SDK2: variants seen among roughly 807,000 people sequenced by gnomAD.
SDK2 encodes sidekick cell adhesion molecule 2.
Under a neutral mutation model 253.9 loss-of-function variants are expected in SDK2, and 105 were observed. That is an observed-to-expected ratio of 0.41 (90% CI 0.35 to 0.49). SDK2 has a LOEUF of 0.49. Ranked by LOEUF, SDK2 falls within the 20% of genes least tolerant of loss-of-function variation. The pLI is 0.06. For missense variants in SDK2, 2,608 were observed against 3,003.0 expected (o/e 0.87, Z 3.07); for synonymous variants, 1,249 against 1,234.9 (o/e 1.01, Z -0.24).
chr17:73,358,100 C>T lies in SDK2; in HGVS notation c.5572G>A (p.Val1858Ile), dbSNP rs1468085082. 5 of 1,613,320 alleles carry T rather than the reference C, an allele frequency of 3.1e-6. No individual in the cohort carries two copies. Among genetic ancestry groups the T allele is most frequent in the East Asian group, 2.2e-5 (1 of 44,880 alleles). The change falls in exon 40 of 45, where the codon GTC becomes ATC. Residue 1858 changes from valine (V) to isoleucine (I), a missense_variant. By Grantham distance (29) the Val-to-Ile change is conservative. Transcript: ENST00000392650. Reference sequence around the variant, plus strand: ...GCACCTGAAGGTCTGGCCTCGATGACGTAGCGGGTGATGGGCCCTTTGCCC... The same window carrying T: ...GCACCTGAAGGTCTGGCCTCGATGATGTAGCGGGTGATGGGCCCTTTGCCC... The part of the protein sequence containing the change: ...DPGKGPITRY[V>I]IEARPSDEGL...
intron 3 of SDK2, among the ~76,000 whole-genome samples, chr17:73,457,257 TC>T (rs1599584398): frequency 1.0e-4 from 6 of 58,642 alleles, no homozygotes; most frequent in African/African-American, 5.5e-4. Flanking sequence ...CTTCCTTCCT[TC>T]CTTCCTTCCT....
At position 73,611,237 on chromosome 17, in the gene SDK2, G is replaced by A. The variant is rs538698474; in HGVS notation, c.64+32788C>T. The stretch of plus-strand genomic sequence containing the variant: ...CTTTTATCCCACTCTCTCTCTCTCT[G>A]CCCCCACTGCTGATGGACAAAGACC... On this transcript the variant is annotated intron_variant, in intron 1 of 44. Transcript: ENST00000392650. Among the ~76,000 whole-genome samples the A allele has an allele frequency of 5.9e-5, 9 of 152,220 alleles. No individual in the cohort carries two copies. The East Asian group carries it at 1.7e-3, about 29-fold the overall frequency.
intron 24 of SDK2, among the ~76,000 whole-genome samples, 169 bp downstream of exon 24, chr17:73,397,866 G>A (rs183017581): frequency 3.9e-4 from 59 of 152,326 alleles, no homozygotes; most frequent in Admixed American, 3.0e-3. Flanking sequence ...TCTCATCGGC[G>A]GGCGGGGGGG....
intron 1 of SDK2, among the ~76,000 whole-genome samples, chr17:73,638,490 G>A (rs1454038202): frequency 1.3e-5 from 2 of 152,176 alleles, no homozygotes; most frequent in Non-Finnish European, 2.9e-5. Context: ...GGAAACAAGG[G>A]TGAACTTTGT....
At chr17:73,548,984 G>A (rs2045011688) in intron 1 of SDK2, among the ~76,000 whole-genome samples, 1 of 152,196 alleles carries the variant, frequency 6.6e-6, no homozygotes, top group Non-Finnish European at 1.5e-5. Context: ...GAGTCTCAAT[G>A]ACAACCCCGG....
chr17:73,535,047 G>A (rs1289946253), intron 1 of SDK2, among the ~76,000 whole-genome samples: 1 of 152,136 alleles, frequency 6.6e-6, no homozygotes, highest in African/African-American at 2.4e-5. Flanking sequence ...GAGAAAGAGT[G>A]GAACCTCTTC....
intron 18 of SDK2, among the ~76,000 whole-genome samples, chr17:73,406,569 A>T (rs1326464352): frequency 6.6e-6 from 1 of 152,172 alleles, no homozygotes; most frequent in Non-Finnish European, 1.5e-5. Context: ...TTATATTAAA[A>T]AAATGGAAGA....
rs181536422 is a variant in SDK2 at position 73,511,301 on chromosome 17, A to G, written c.65-3704T>C. Among the ~76,000 whole-genome samples, 48 of 152,330 alleles carry G rather than the reference A, an allele frequency of 3.2e-4. No homozygotes were observed. In the East Asian group the frequency reaches 8.3e-3, roughly 26 times the overall value. Reference sequence around the variant, plus strand: ...GCCAGAACAGTCAGAGGGGCTGGGCAGTGTGTGTATCTGCATGCACACATG... The same window carrying G: ...GCCAGAACAGTCAGAGGGGCTGGGCGGTGTGTGTATCTGCATGCACACATG... On this transcript the variant is annotated intron_variant, in intron 1 of 44. Coordinates refer to ENST00000392650, the MANE Select transcript of SDK2 (RefSeq NM_001144952.2). The surrounding 1 kb of genome is among the most constrained non-coding windows in gnomAD (Gnocchi z 4.9).
rs369229736 is a variant in SDK2, at chr17:73,603,506, A to T, written c.64+40519T>A. Among the ~76,000 whole-genome samples, 19 of 152,284 alleles carry T rather than the reference A, an allele frequency of 1.2e-4. No individual in the cohort carries two copies. In the East Asian group the frequency reaches 1.4e-3, roughly 11 times the overall value. On this transcript the variant is annotated intron_variant, in intron 1 of 44. Coordinates refer to ENST00000392650, the MANE Select transcript of SDK2 (RefSeq NM_001144952.2). The stretch of plus-strand genomic sequence containing the variant: ...CTGGGTCCCAAGGTGATGCACACCC[A>T]GGGGAGCCTAGGATGCTACACCAGG...
Position 73,401,704 on chromosome 17 carries a change from G to A in SDK2, c.2729C>T (p.Ser910Leu), listed in dbSNP as rs753714901. Residue 910 changes from serine (S) to leucine (L), a missense_variant, in exon 20 of 45, where the codon TCG becomes TTG. Physicochemically the swap from Ser to Leu is moderately radical, Grantham distance 145. This residue lies in a region of SDK2 where 1,505 missense variants were observed against 1,859.1 expected (regional missense o/e 0.81). Coordinates refer to ENST00000392650, the MANE Select transcript of SDK2 (RefSeq NM_001144952.2). ...HLSFSEILDT[S>L]LKVSWQEPGE... ...CGGCTCTTGCCAGCTGACCTTCAGC[G>A]ATGTGTCCAGGATCTCACTGAAGCT... 3.1e-6 allele frequency: 5 copies of A among 1,594,864 alleles called. No homozygotes were observed. The highest frequency in any genetic ancestry group is 2.3e-5 in the South Asian group (2 of 87,596).
At chr17:73,364,934 T>A (rs1331876924) in intron 38 of SDK2, among the ~76,000 whole-genome samples, 1 of 152,162 alleles carries the variant, frequency 6.6e-6, no homozygotes, top group Non-Finnish European at 1.5e-5. Context: ...CCCCCCTTCT[T>A]TATGGTCTCA....
rs939196667 is a variant in SDK2 at position 73,541,025 on chromosome 17, C to G, written c.65-33428G>C. 1.3e-5 allele frequency among the ~76,000 whole-genome samples: 2 copies of G among 152,220 alleles called. No homozygotes were observed. Among genetic ancestry groups the G allele is most frequent in the African/African-American group, 4.8e-5 (2 of 41,456 alleles). On this transcript the variant is annotated intron_variant, in intron 1 of 44. Coordinates refer to ENST00000392650, the MANE Select transcript of SDK2 (RefSeq NM_001144952.2). This position sits in a 1 kb window ranked among gnomAD's most constrained non-coding sequence, Gnocchi z 4.3. The stretch of plus-strand genomic sequence containing the variant: ...ACTTTCCTGGCAAATGTGGTCTCGG[C>G]CATCAAGCTGCCAATGGTAAGCTGC...
chr17:73,428,863 C>T (rs1158375032), intron 12 of SDK2, among the ~76,000 whole-genome samples: 2 of 151,982 alleles, frequency 1.3e-5, no homozygotes, highest in Admixed American at 1.3e-4. Flanking sequence ...TGATTCTGCT[C>T]CCCAGAATCA....
At chr17:73,487,683 T>C (rs1427500174) in intron 2 of SDK2, among the ~76,000 whole-genome samples, 1 of 152,212 alleles carries the variant, frequency 6.6e-6, no homozygotes, top group African/African-American at 2.4e-5. Flanking sequence ...AACTTTACCA[T>C]GCTCTGTGAT....
At chr17:73,364,590 G>T (rs542232235) in intron 38 of SDK2, among the ~76,000 whole-genome samples, 21 of 152,244 alleles carry the variant, frequency 1.4e-4, no homozygotes, top group Admixed American at 1.0e-3. Context: ...AAAGGGCAAA[G>T]TAGGACCCTC....
chr17:73,340,945 T>C (rs1013253882), intron 44 of SDK2, among the ~76,000 whole-genome samples: 2 of 151,704 alleles, frequency 1.3e-5, no homozygotes, highest in Non-Finnish European at 2.9e-5. Context: ...GGTTTCGCCA[T>C]GTTGGTCAAG....
chr17:73,547,177 C>T (rs1254472153), intron 1 of SDK2, among the ~76,000 whole-genome samples: 1 of 152,250 alleles, frequency 6.6e-6, no homozygotes, highest in Non-Finnish European at 1.5e-5. Flanking sequence ...TCCACGCCCT[C>T]CAGGCCTAGG....
At chr17:73,530,963 C>T (rs1190959411) in intron 1 of SDK2, among the ~76,000 whole-genome samples, 1 of 152,140 alleles carries the variant, frequency 6.6e-6, no homozygotes, top group Non-Finnish European at 1.5e-5. Context: ...TCTGAATATG[C>T]CAGTCACTCA....
intron 18 of SDK2, among the ~76,000 whole-genome samples, chr17:73,403,889 A>G (rs1412666438): frequency 6.6e-6 from 1 of 152,228 alleles, no homozygotes; most frequent in Non-Finnish European, 1.5e-5. Context: ...AGATTAAGAA[A>G]CAAGTTTAAT....
Sources: gnomAD v4.1 joint callset for allele counts (sites outside exome capture counted in the v4.1 genomes callset) on GRCh38, gnomAD v4.1.1 for gene constraint, gnomAD v4.1.1 regional missense constraint, Gnocchi (gnomAD v3.1) non-coding constraint, MANE v1.5 for transcripts, NCBI Gene and HGNC (gene_info 2026-07-23, HGNC 2026-07-21) for gene names.